Variants in TEX30 observed in about 807,000 individuals in gnomAD.
TEX30 encodes testis-expressed protein 30.
A neutral mutation model predicts 23.8 loss-of-function variants in TEX30; 14 were observed. That is an observed-to-expected ratio of 0.59 (90% CI 0.39 to 0.92). The LOEUF (loss-of-function observed/expected upper bound fraction) is 0.92. Ranked by LOEUF, TEX30 falls within the 40% of genes least tolerant of loss-of-function variation. The pLI is 0.00. For missense variants in TEX30, 246 were observed against 270.6 expected, an observed-to-expected ratio of 0.91 and a Z score of 0.64; for synonymous variants, 78 against 90.2, an observed-to-expected ratio of 0.87 and a Z score of 0.76.
intron 4 of TEX30, 41 bp from the exon 5 acceptor site, chr13:102,767,519 T>G: frequency 6.3e-6 from 10 of 1,595,812 alleles, no homozygotes; most frequent in Non-Finnish European, 8.6e-6. Context: ...AAATATAAAC[T>G]TTCACATAAA....
chr13:102,768,555 T>G (rs1260808612), intron 3 of TEX30, among the ~76,000 whole-genome samples: 2 of 152,240 alleles, frequency 1.3e-5, no homozygotes, highest in Admixed American at 1.3e-4. Flanking sequence ...CTACCTTTAC[T>G]AAAATATTTA....
Position 102,770,088 on chromosome 13 carries a change from T to G in TEX30, c.-60-2A>C, listed in dbSNP as rs112045759. 1.7e-6 allele frequency: 2 copies of G among 1,209,854 alleles called. No homozygotes were observed. Among genetic ancestry groups the G allele is most frequent in the South Asian group, 3.0e-5 (1 of 32,986 alleles). The allele number at this position is 1,209,854 out of a possible 1,614,324, so 74.9% of individuals were successfully genotyped here. A position where few individuals can be genotyped will look rare whatever the true frequency, so the allele number is the denominator to read the frequency against. ...ATCTGAGAAGCAAAGGACATCTCCC[T>G]GAAAAGAAGATTCTGTTGTGAAAGG... On this transcript the variant is annotated splice_acceptor_variant, in intron 1 of 5. Coordinates refer to ENST00000376032, the MANE Select transcript of TEX30 (RefSeq NM_138779.5). LOFTEE classifies it low-confidence loss of function (5UTR_SPLICE).
intron 1 of TEX30, among the ~76,000 whole-genome samples, chr13:102,770,423 A>G (rs1877240821): frequency 6.6e-6 from 1 of 152,226 alleles, no homozygotes; most frequent in African/African-American, 2.4e-5. Flanking sequence ...TAAACCAACT[A>G]TCCTAAACTT....
chr13:102,768,195 T>C, intron 4 of TEX30, 65 bp downstream of exon 4: 1 of 1,320,522 alleles, frequency 7.6e-7, no homozygotes, highest in Non-Finnish European at 1.0e-6. Flanking sequence ...CTAATTTTAA[T>C]TCTCCATTAC....
At chr13:102,771,807 A>C (rs747109575) in intron 1 of TEX30, among the ~76,000 whole-genome samples, 1 of 152,200 alleles carries the variant, frequency 6.6e-6, no homozygotes, top group Non-Finnish European at 1.5e-5. Flanking sequence ...GGGGATCTGG[A>C]TATCCAATTG....
At position 102,766,371 on chromosome 13, in the gene TEX30, T is replaced by C. The variant is rs376752814; in HGVS notation, c.*30A>G. On this transcript the variant is annotated 3_prime_UTR_variant, in exon 6 of 6. Transcript: ENST00000376032. ...ATACTCTTCTTTATCAAATTAACTGTATGTGTACTCAAGATAACATGGCTT... is the reference window on the plus strand; with the variant it reads ...ATACTCTTCTTTATCAAATTAACTGCATGTGTACTCAAGATAACATGGCTT... The C allele has an allele frequency of 1.4e-5, 22 of 1,582,350 alleles. No individual in the cohort carries two copies. Among genetic ancestry groups the C allele is most frequent in the Middle Eastern group, 1.7e-4 (1 of 5,796 alleles).
At chr13:102,768,360 T>C (rs201025930) in intron 3 of TEX30, 49 bp from the exon 4 acceptor site, 584 of 1,330,976 alleles carry the variant, frequency 4.4e-4, no homozygotes, top group African/African-American at 1.0e-3. Flanking sequence ...AATATTCCAC[T>C]GGAAAGGCAA....
rs769907389 is a variant in TEX30 at position 102,770,032 on chromosome 13, C to A, written c.-6G>T. 6 of 1,425,580 alleles carry A rather than the reference C, an allele frequency of 4.2e-6. No individual in the cohort carries two copies. In the African/African-American group the frequency reaches 7.3e-5, roughly 17 times the overall value. 88.3% of individuals were successfully genotyped at this position (1,425,580 alleles called of 1,614,324 possible). On this transcript the variant is annotated 5_prime_UTR_variant, in exon 2 of 6. Coordinates refer to ENST00000376032, the MANE Select transcript of TEX30 (RefSeq NM_138779.5). ...ATTACCTCTGTATGACTCATTTTCACTGTTGAATAACAAACTTAAAGTGCA... is the reference window on the plus strand; with the variant it reads ...ATTACCTCTGTATGACTCATTTTCAATGTTGAATAACAAACTTAAAGTGCA...
At chr13:102,769,281 TTATAA>T in intron 3 of TEX30, 25 bp downstream of exon 3, 4 of 1,379,762 alleles carry the variant, frequency 2.9e-6, no homozygotes, top group Non-Finnish European at 3.9e-6. Context: ...CAGAATTCTG[TTATAA>T]GTAAATATAA....
In TEX30 at chr13:102,770,014, CT is replaced by C; in HGVS notation, c.12del (p.Glu5ArgfsTer4). The C allele has an allele frequency of 6.9e-7, 1 of 1,443,100 alleles. No homozygotes were observed. The highest frequency in any genetic ancestry group is 1.6e-5 in the South Asian group (1 of 62,026). 89.4% of individuals were successfully genotyped at this position (1,443,100 alleles called of 1,614,324 possible). A position where few individuals can be genotyped will look rare whatever the true frequency, so the allele number is the denominator to read the frequency against. MSH[T>X]EVKLKIPFGN... is the part of the protein sequence containing the mutation. The stretch of plus-strand genomic sequence containing the variant: ...TGCAGAACATACGAAAATATTACCT[CT>C]GTATGACTCATTTTCACTGTTGAAT... On this transcript the variant is annotated frameshift_variant, in exon 2 of 6. Coordinates refer to ENST00000376032, the MANE Select transcript of TEX30 (RefSeq NM_138779.5). LOFTEE classifies it high-confidence loss of function.
chr13:102,771,542 T>A (rs1227035912), intron 1 of TEX30, among the ~76,000 whole-genome samples: 1 of 152,194 alleles, frequency 6.6e-6, no homozygotes, highest in Non-Finnish European at 1.5e-5. Flanking sequence ...TCTGTGTGTG[T>A]GAGCGTGTAG....
At position 102,769,958 on chromosome 13, in the gene TEX30, C is replaced by T. The variant is rs1393581680; in HGVS notation, c.15+54G>A. 2.9e-6 allele frequency: 4 copies of T among 1,379,620 alleles called. No homozygotes were observed. The East Asian group carries it at 1.1e-4, about 36-fold the overall frequency. The allele number at this position is 1,379,620 out of a possible 1,614,324, so 85.5% of individuals were successfully genotyped here. ...AAATTACTCTGAAGCCACATAATTA[C>T]AAACAAACAAAAAACCAGGAACCCT... is the stretch of plus-strand genomic sequence containing the variant. On this transcript the variant is annotated intron_variant, in intron 2 of 5. Transcript: ENST00000376032.
At chr13:102,767,572 CAT>C (rs1365296685) in intron 4 of TEX30, 94 bp from the exon 5 acceptor site, 2 of 1,286,430 alleles carry the variant, frequency 1.6e-6, no homozygotes, top group Non-Finnish European at 2.2e-6. Context: ...TACTGTTCAT[CAT>C]ATCTGTTTAC....
At chr13:102,769,284 TAAGTA>T (rs754369125) in intron 3 of TEX30, 22 bp downstream of exon 3, 13 of 1,389,592 alleles carry the variant, frequency 9.4e-6, no homozygotes, top group South Asian at 4.4e-5. Flanking sequence ...AATTCTGTTA[TAAGTA>T]AATATAAAGA....
intron 5 of TEX30, 49 bp downstream of exon 5, chr13:102,767,224 T>C: frequency 6.4e-7 from 1 of 1,572,890 alleles, no homozygotes; most frequent in Non-Finnish European, 8.7e-7. Flanking sequence ...CCAAGATATG[T>C]CTGCCTTTCA....
At chr13:102,773,155 C>G (rs986508382) in intron 1 of TEX30, among the ~76,000 whole-genome samples, 1 of 152,228 alleles carries the variant, frequency 6.6e-6, no homozygotes, top group Non-Finnish European at 1.5e-5. Context: ...TGCCCTGTTA[C>G]GTCCACAGCA....
Position 102,769,326 on chromosome 13 carries a change from C to T in TEX30, c.231G>A (p.Ala77=), listed in dbSNP as rs143661841. ...KGLNIVHRIK[A]YKSVLNYLKT... ...ATTTTCTTACCAAAACTGATTTATA[C>T]GCCTTAATTCTATGTACAATATTAA... The change falls in exon 3 of 6, where the codon GCG becomes GCA. Residue 77 remains alanine, a synonymous_variant. Transcript: ENST00000376032. The T allele has an allele frequency of 6.4e-5, 97 of 1,523,856 alleles. No homozygotes were observed. The highest frequency in any genetic ancestry group is 5.3e-4 in the African/African-American group (37 of 70,062). 94.4% of individuals were successfully genotyped at this position (1,523,856 alleles called of 1,614,324 possible).
chr13:102,769,891 C>T, intron 2 of TEX30, 121 bp downstream of exon 2: 1 of 861,708 alleles, frequency 1.2e-6, no homozygotes. Flanking sequence ...TCGCTCTTAA[C>T]CACTTATGCT....
intron 1 of TEX30, 31 bp from the exon 2 acceptor site, chr13:102,770,117 G>T: frequency 1.1e-6 from 1 of 912,540 alleles, no homozygotes. Context: ...TGAAAGGTGA[G>T]TTGGCAGACA....
Sources: gnomAD v4.1 joint callset for allele counts (sites outside exome capture counted in the v4.1 genomes callset) on GRCh38, gnomAD v4.1.1 for gene constraint, MANE v1.5 for transcripts, NCBI Gene and HGNC (gene_info 2026-07-23, HGNC 2026-07-21) for gene names.